Variants in FAT4 observed in about 807,000 individuals in gnomAD.
FAT4 encodes the protein FAT atypical cadherin 4.
In FAT4, 84 loss-of-function variants were observed where a neutral mutation model predicts 303.9. That is an observed-to-expected ratio of 0.28 (90% confidence interval 0.23 to 0.33). The LOEUF is 0.33. FAT4 is among the 10% of genes least tolerant of loss of function. FAT4 has a pLI of 1.00. For missense variants in FAT4, 6,005 were observed against 6,146.8 expected (o/e 0.98, Z 0.77); for synonymous variants, 2,307 against 2,298.8 (o/e 1.00, Z -0.10).
intron 2 of FAT4, among the ~76,000 whole-genome samples, chr4:125,330,357 C>G (rs1266976057): frequency 6.6e-6 from 1 of 152,204 alleles, no homozygotes; most frequent in Non-Finnish European, 1.5e-5. Context: ...GCTTACCAGC[C>G]TCCTTCACCA....
At chr4:125,426,845 A>C (rs1291671653) in intron 7 of FAT4, among the ~76,000 whole-genome samples, 1 of 152,050 alleles carries the variant, frequency 6.6e-6, no homozygotes, top group Admixed American at 6.5e-5. Flanking sequence ...TTATGATAAA[A>C]TTTATAGAAA....
At chr4:125,485,638 G>T (rs1377077775) in intron 16 of FAT4, among the ~76,000 whole-genome samples, 2 of 151,898 alleles carry the variant, frequency 1.3e-5, no homozygotes. Flanking sequence ...GGATGAGGCT[G>T]GTTTACAGCT....
intron 2 of FAT4, among the ~76,000 whole-genome samples, chr4:125,391,804 A>G (rs1213475073): frequency 1.3e-5 from 2 of 152,314 alleles, no homozygotes; most frequent in East Asian, 3.9e-4. Context: ...GCTTTAAAAT[A>G]TCATTGTAAT....
At chr4:125,339,156 A>G (rs1025066843) in intron 2 of FAT4, among the ~76,000 whole-genome samples, 1 of 152,124 alleles carries the variant, frequency 6.6e-6, no homozygotes, top group Non-Finnish European at 1.5e-5. Flanking sequence ...TCTCTACAAC[A>G]TTATCAACAT....
At chr4:125,432,178 G>A (rs773593952) in intron 7 of FAT4, among the ~76,000 whole-genome samples, 1 of 152,068 alleles carries the variant, frequency 6.6e-6, no homozygotes, top group East Asian at 1.9e-4. Flanking sequence ...GACCCCCAAA[G>A]CAGCGCAGGA....
At chr4:125,382,489 G>A (rs1367883460) in intron 2 of FAT4, among the ~76,000 whole-genome samples, 3 of 152,150 alleles carry the variant, frequency 2.0e-5, no homozygotes, top group African/African-American at 7.2e-5. Flanking sequence ...TGTCAACAGC[G>A]GGCTTAAGAT....
intron 2 of FAT4, among the ~76,000 whole-genome samples, chr4:125,344,785 A>G (rs1731935041): frequency 6.6e-6 from 1 of 151,994 alleles, no homozygotes; most frequent in Non-Finnish European, 1.5e-5. Flanking sequence ...TACCCCATTG[A>G]TAAATTACTT....
intron 8 of FAT4, among the ~76,000 whole-genome samples, chr4:125,440,582 TG>T (rs1725618837): frequency 1.4e-5 from 1 of 72,666 alleles, no homozygotes; most frequent in African/African-American, 9.2e-5. Flanking sequence ...TCTCAGTACT[TG>T]TGTGTGTGTG....
rs1172235399 is a variant in FAT4 at position 125,316,867 on chromosome 4, C to A, written c.456C>A (p.Arg152=). The A allele has an allele frequency of 6.2e-7, 1 of 1,613,972 alleles. No homozygotes were observed. The highest frequency in any genetic ancestry group is 8.5e-7 in the Non-Finnish European group (1 of 1,180,048). ...TCAAGGAAGACAGTAGCAGCGGACG[C>A]CAAGTCATCTTAGACACCGCCACCG... ...VTFKEDSSSG[R]QVILDTATDS... is the part of the protein sequence containing the mutation. Residue 152 remains arginine, a synonymous_variant, in exon 2 of 18, where the codon CGC becomes CGA. Coordinates refer to ENST00000394329, the MANE Select transcript of FAT4 (RefSeq NM_001291303.3). The surrounding 1 kb of genome is among the most constrained non-coding windows in gnomAD (Gnocchi z 5.7).
At chr4:125,408,413 A>T (rs1243848173) in intron 4 of FAT4, 31 bp from the exon 5 acceptor site, 1 of 1,411,936 alleles carries the variant, frequency 7.1e-7, no homozygotes, top group Non-Finnish European at 9.7e-7. Context: ...TACTTCCTTG[A>T]TTTTATACTA....
Position 125,490,496 on chromosome 4 carries a change from C to T in FAT4, c.13680C>T (p.Asp4560=). Residue 4560 remains aspartate, a synonymous_variant, in exon 18 of 18, where the codon GAC becomes GAT. Coordinates refer to ENST00000394329, the MANE Select transcript of FAT4 (RefSeq NM_001291303.3). ...GAAGTGAGAACGTTGCTTTTGATGA[C>T]CCTGACAATATCCCTCCCTATGGGG... ...KKGSENVAFD[D]PDNIPPYGDD... The T allele has an allele frequency of 6.2e-7, 1 of 1,614,110 alleles. No individual in the cohort carries two copies. The highest frequency in any genetic ancestry group is 8.5e-7 in the Non-Finnish European group (1 of 1,180,020).
At position 125,491,459 on chromosome 4, in the gene FAT4, T is replaced by C; in HGVS notation, c.14643T>C (p.Asp4881=). 1 of 1,614,082 alleles carries C rather than the reference T, an allele frequency of 6.2e-7. No homozygotes were observed. Among genetic ancestry groups the C allele is most frequent in the Non-Finnish European group, 8.5e-7 (1 of 1,180,000 alleles). Residue 4881 remains aspartate, a synonymous_variant, in exon 18 of 18, where the codon GAT becomes GAC. Coordinates refer to ENST00000394329, the MANE Select transcript of FAT4 (RefSeq NM_001291303.3). The part of the protein sequence containing the change: ...KLSQVNESDA[D]DEDNYGARLK... ...CTCAAGTCAATGAATCTGATGCAGATGATGAAGATAATTATGGAGCCAGAC... is the reference window on the plus strand; with the variant it reads ...CTCAAGTCAATGAATCTGATGCAGACGATGAAGATAATTATGGAGCCAGAC...
chr4:125,404,063 G>A (rs867266452), intron 3 of FAT4, among the ~76,000 whole-genome samples: 7 of 152,250 alleles, frequency 4.6e-5, no homozygotes, highest in South Asian at 2.1e-4. Context: ...GTGGCGTTTA[G>A]CAGCTAGCAA....
rs115730834 is a variant in FAT4, at chr4:125,384,935, A to G, written c.5176-13849A>G. 5.1e-3 allele frequency among the ~76,000 whole-genome samples: 768 copies of G among 150,346 alleles called. 10 individuals carry two copies. Among genetic ancestry groups the G allele is most frequent in the African/African-American group, 0.018 (744 of 41,148 alleles). ...ACTACTCAGTAACAAAATAATTTTT[A>G]CTAAGGAATGACAATATTTGATCTT... On this transcript the variant is annotated intron_variant, in intron 2 of 17. Coordinates refer to ENST00000394329, the MANE Select transcript of FAT4 (RefSeq NM_001291303.3).
At chr4:125,472,770 G>C (rs1366710309) in intron 12 of FAT4, among the ~76,000 whole-genome samples, 2 of 152,140 alleles carry the variant, frequency 1.3e-5, no homozygotes, top group Non-Finnish European at 2.9e-5. Context: ...ATAATGATTA[G>C]CTTTAAATAT....
chr4:125,328,391 T>C (rs936309029), intron 2 of FAT4, among the ~76,000 whole-genome samples: 1 of 152,194 alleles, frequency 6.6e-6, no homozygotes, highest in South Asian at 2.1e-4. Context: ...AACAATCTAA[T>C]TGGCAGATAA....
chr4:125,480,656 G>A (rs1727193759), intron 15 of FAT4, among the ~76,000 whole-genome samples: 1 of 151,922 alleles, frequency 6.6e-6, no homozygotes, highest in Non-Finnish European at 1.5e-5. Context: ...AATCTAAAAG[G>A]TCTTAGCAGA....
intron 12 of FAT4, among the ~76,000 whole-genome samples, chr4:125,471,179 C>G (rs2126078527): frequency 6.6e-6 from 1 of 152,290 alleles, no homozygotes; most frequent in Admixed American, 6.5e-5. Context: ...CATGTTGCCA[C>G]AAAATAATTA....
chr4:125,341,726 A>G (rs972864195), intron 2 of FAT4, among the ~76,000 whole-genome samples: 1 of 152,086 alleles, frequency 6.6e-6, no homozygotes, highest in African/African-American at 2.4e-5. Flanking sequence ...TATGTAACAG[A>G]ATAAGAAAAC....
Sources: gnomAD v4.1 joint callset for allele counts (sites outside exome capture counted in the v4.1 genomes callset) on GRCh38, gnomAD v4.1.1 for gene constraint, Gnocchi (gnomAD v3.1) non-coding constraint, MANE v1.5 for transcripts, NCBI Gene and HGNC (gene_info 2026-07-23, HGNC 2026-07-21) for gene names.